Variants in PDZD2 observed in about 807,000 individuals in gnomAD.
The protein encoded by PDZD2 is PDZ domain containing 2.
PDZD2 carries 90 observed loss-of-function variants against 220.7 expected under a neutral mutation model. The observed-to-expected ratio is 0.41, with a 90% CI of 0.34 to 0.49. The LOEUF is 0.49. Among genes scored for constraint, PDZD2 ranks in the 20% least tolerant of loss-of-function variants. The pLI, the probability that PDZD2 is intolerant of heterozygous loss-of-function variation, is 0.28. For missense variants in PDZD2, 3,174 were observed against 3,608.5 expected (o/e 0.88, Z 3.08); for synonymous variants, 1,375 against 1,450.5 (o/e 0.95, Z 1.18).
intron 2 of PDZD2, among the ~76,000 whole-genome samples, chr5:31,810,466 T>C (rs1056518009): frequency 1.1e-4 from 16 of 152,144 alleles, no homozygotes; most frequent in Admixed American, 7.9e-4. Flanking sequence ...GGGGTTTCAC[T>C]GTGTTACCCA....
chr5:31,850,760 C>T (rs1025167359), intron 2 of PDZD2, among the ~76,000 whole-genome samples: 3 of 151,814 alleles, frequency 2.0e-5, no homozygotes, highest in African/African-American at 7.3e-5. Context: ...TCTCAGCCTC[C>T]CGAGTAGCTG....
chr5:32,084,266 C>G (rs905106423), intron 19 of PDZD2, among the ~76,000 whole-genome samples: 23 of 152,204 alleles, frequency 1.5e-4, no homozygotes, highest in African/African-American at 5.5e-4. Context: ...CACACAGAGG[C>G]CACATAGTCA....
chr5:31,708,924 G>C (rs1747954753), intron 1 of PDZD2, among the ~76,000 whole-genome samples: 1 of 150,396 alleles, frequency 6.6e-6, no homozygotes. Flanking sequence ...GTCTCACTCT[G>C]TCGCCCAGGC....
intron 6 of PDZD2, among the ~76,000 whole-genome samples, chr5:32,015,022 A>C (rs1224501562): frequency 1.4e-5 from 2 of 144,372 alleles, no homozygotes; most frequent in Non-Finnish European, 3.0e-5. Context: ...GTTCACTGCA[A>C]CCTCCGCCTC....
chr5:31,931,841 G>A (rs935906716), intron 2 of PDZD2, among the ~76,000 whole-genome samples: 5 of 152,060 alleles, frequency 3.3e-5, no homozygotes, highest in Non-Finnish European at 5.9e-5. Context: ...CGTTGTGTGA[G>A]TTGAGGGTGT....
At chr5:31,965,606 A>G (rs1317290811) in intron 2 of PDZD2, among the ~76,000 whole-genome samples, 1 of 152,136 alleles carries the variant, frequency 6.6e-6, no homozygotes, top group East Asian at 1.9e-4. Context: ...TTAAAAATGG[A>G]AACTTCGGCT....
rs61617843 is a variant in PDZD2, at chr5:31,859,794, G to A, written c.476+60070G>A. Among the ~76,000 whole-genome samples, 554 of 152,288 alleles carry A rather than the reference G, an allele frequency of 3.6e-3. 2 individuals carry two copies. Among genetic ancestry groups the A allele is most frequent in the African/African-American group, 0.013 (531 of 41,554 alleles). On this transcript the variant is annotated intron_variant, in intron 2 of 24. Transcript: ENST00000438447. ...AAGAATAGTTCCTTCTTACTAAGAA[G>A]GAGGCATAGAACAATGTCTCAGAAT...
At chr5:31,740,923 A>G (rs577073289) in intron 1 of PDZD2, among the ~76,000 whole-genome samples, 2 of 152,330 alleles carry the variant, frequency 1.3e-5, no homozygotes, top group Admixed American at 6.5e-5. Context: ...AAGCTTTACC[A>G]TGAATTAGAT....
chr5:32,038,944 G>A (rs1270614116), intron 7 of PDZD2, among the ~76,000 whole-genome samples: 1 of 152,240 alleles, frequency 6.6e-6, no homozygotes, highest in East Asian at 1.9e-4. Flanking sequence ...TTAGCACAAT[G>A]TGTAGTACGT....
intron 6 of PDZD2, among the ~76,000 whole-genome samples, chr5:32,032,987 T>A (rs568208258): frequency 6.6e-6 from 1 of 152,184 alleles, no homozygotes; most frequent in African/African-American, 2.4e-5. Flanking sequence ...ACCATGGAAA[T>A]TGGCAAATTC....
In PDZD2 at chr5:31,884,231, G is replaced by GCATACATA. The variant is rs368220223; in HGVS notation, c.476+84531_476+84538dup. 2.0e-3 allele frequency among the ~76,000 whole-genome samples: 308 copies of GCATACATA among 150,690 alleles called. 1 individual carries two copies. Among genetic ancestry groups the GCATACATA allele is most frequent in the African/African-American group, 7.1e-3 (287 of 40,562 alleles). The stretch of plus-strand genomic sequence containing the variant: ...CCATCTCAAAAATAACTGCATGCAT[G>GCATACATA]CATACATACATACATACATACATAC... On this transcript the variant is annotated intron_variant, in intron 2 of 24. Transcript: ENST00000438447.
intron 2 of PDZD2, among the ~76,000 whole-genome samples, chr5:31,945,831 A>G (rs1746586048): frequency 6.6e-6 from 1 of 151,978 alleles, no homozygotes. Flanking sequence ...TTATAGGGTG[A>G]TCCTTACTAT....
At chr5:31,842,442 T>C (rs993213868) in intron 2 of PDZD2, among the ~76,000 whole-genome samples, 4 of 152,220 alleles carry the variant, frequency 2.6e-5, no homozygotes, top group African/African-American at 9.6e-5. Context: ...CCGCTCATTC[T>C]GACACAGCCC....
intron 1 of PDZD2, among the ~76,000 whole-genome samples, chr5:31,668,234 T>C (rs914332340): frequency 6.6e-6 from 1 of 152,234 alleles, no homozygotes; most frequent in Non-Finnish European, 1.5e-5. Context: ...TACAGGAATT[T>C]GCTTTTCGGT....
At chr5:31,670,727 C>T (rs1746184821) in intron 1 of PDZD2, among the ~76,000 whole-genome samples, 1 of 151,998 alleles carries the variant, frequency 6.6e-6, no homozygotes, top group Admixed American at 6.6e-5. Context: ...GGCCAGTTTG[C>T]GTTTCTTTTA....
chr5:32,079,032 G>C (rs939108559), intron 19 of PDZD2, among the ~76,000 whole-genome samples: 4 of 151,540 alleles, frequency 2.6e-5, no homozygotes, highest in Admixed American at 2.0e-4. Context: ...GCCAAGGGGG[G>C]GCCGATCACT....
At chr5:31,895,668 C>T (rs985539059) in intron 2 of PDZD2, among the ~76,000 whole-genome samples, 1 of 152,134 alleles carries the variant, frequency 6.6e-6, no homozygotes. Context: ...TGCCCAGAGC[C>T]TTACATGAAC....
At chr5:31,730,589 T>C (rs944490786) in intron 1 of PDZD2, among the ~76,000 whole-genome samples, 16 of 118,266 alleles carry the variant, frequency 1.4e-4, no homozygotes, top group Admixed American at 1.7e-4. Flanking sequence ...TGTGTGTGTG[T>C]GTGGTGTGTG....
intron 1 of PDZD2, among the ~76,000 whole-genome samples, chr5:31,772,084 C>G (rs2195400): frequency 0.42 from 63,721 of 151,972 alleles, 13,876 homozygotes; most frequent in Non-Finnish European, 0.45. Flanking sequence ...TCTCTTCAAA[C>G]AATCAGTATG....
Sources: allele counts gnomAD v4.1 joint callset (sites outside exome capture counted in the v4.1 genomes callset), GRCh38; gene constraint gnomAD v4.1.1; transcripts MANE v1.5; gene names NCBI Gene and HGNC (gene_info 2026-07-23, HGNC 2026-07-21).